ZNF782: variants seen among roughly 807,000 people sequenced by gnomAD.
ZNF782 encodes zinc finger protein 782.
ZNF782 carries 12 observed loss-of-function variants against 13.0 expected under a neutral mutation model. The observed-to-expected ratio is 0.92, with a 90% confidence interval of 0.59 to 1.50. The LOEUF (loss-of-function observed/expected upper bound fraction) is 1.50. Ranked by LOEUF, ZNF782 falls within the 40% of genes most tolerant of loss-of-function variation. The pLI, the probability that ZNF782 is intolerant of heterozygous loss-of-function variation, is 0.00. For missense variants in ZNF782, 770 were observed against 822.9 expected (o/e 0.94, Z 0.79); for synonymous variants, 284 against 283.0 (o/e 1.00, Z -0.04).
At chr9:96,893,916 C>T in the ZNF782 span, 1 of 140,974 alleles carries the variant, frequency 7.1e-6, no homozygotes, top group Non-Finnish European at 1.5e-5. Context: ...GGGAGAATGC[C>T]GTGAACCCGG....
chr9:96,892,678 T>C, the ZNF782 span: 1 of 152,278 alleles, frequency 6.6e-6, no homozygotes, highest in African/African-American at 2.4e-5. Context: ...TTGAACTATA[T>C]TCTTCTGAAT....
At chr9:96,912,000 G>GACC in the ZNF782 span, among the ~76,000 whole-genome samples, 5 of 151,584 alleles carry the variant, frequency 3.3e-5, no homozygotes, top group Admixed American at 3.3e-4. Context: ...GGGAGTTCAA[G>GACC]ACCAGCCTGA....
At chr9:96,879,281 G>A (rs1035030128), upstream of ZNF782, among the ~76,000 whole-genome samples, 9 of 152,326 alleles carry the variant, frequency 5.9e-5, no homozygotes, top group East Asian at 1.9e-4. Context: ...GAGGTCAAGA[G>A]ATCGAGACCA....
At chr9:96,832,035 T>A (rs1850820727) in intron 4 of ZNF782, among the ~76,000 whole-genome samples, 1 of 152,208 alleles carries the variant, frequency 6.6e-6, no homozygotes, top group Admixed American at 6.5e-5. Flanking sequence ...TTTTTTTTGT[T>A]CCCTTGAATT....
At chr9:96,901,758 T>C in the ZNF782 span, among the ~76,000 whole-genome samples, 8 of 150,756 alleles carry the variant, frequency 5.3e-5, no homozygotes, top group East Asian at 2.0e-4. Context: ...CACACACCTG[T>C]AATCCCAGCT....
upstream of ZNF782, among the ~76,000 whole-genome samples, chr9:96,858,355 A>G (rs987430583): frequency 1.3e-5 from 2 of 152,170 alleles, no homozygotes; most frequent in African/African-American, 4.8e-5. This position sits in a 1 kb window ranked among gnomAD's most constrained non-coding sequence, Gnocchi z 4.4. Flanking sequence ...ACCTCACTCA[A>G]GAGCTTCCTA....
At chr9:96,865,357 A>G (rs1851744396) in intron 1 of ZNF782, among the ~76,000 whole-genome samples, 1 of 151,988 alleles carries the variant, frequency 6.6e-6, no homozygotes, top group Admixed American at 6.5e-5. Flanking sequence ...ATGATAGTGA[A>G]TAAGTCTCAT....
upstream of ZNF782, among the ~76,000 whole-genome samples, chr9:96,858,308 T>C (rs1332634226): frequency 6.6e-6 from 1 of 152,224 alleles, no homozygotes; most frequent in Non-Finnish European, 1.5e-5. The surrounding 1 kb of genome is among the most constrained non-coding windows in gnomAD (Gnocchi z 4.4). Flanking sequence ...TCAGGCAGTC[T>C]GAGAAACATT....
chr9:96,827,574 C>T (rs561271720), intron 4 of ZNF782, among the ~76,000 whole-genome samples: 3 of 152,214 alleles, frequency 2.0e-5, no homozygotes, highest in South Asian at 4.1e-4. Flanking sequence ...TCCCAAAGTA[C>T]GGTGGCATAA....
At chr9:96,921,339 C>A in the ZNF782 span, among the ~76,000 whole-genome samples, 1 of 141,240 alleles carries the variant, frequency 7.1e-6, no homozygotes, top group Non-Finnish European at 1.5e-5. Flanking sequence ...TCGAGACCAT[C>A]CTGGCTAACA....
chr9:96,818,118 T>A lies in ZNF782; in HGVS notation c.1905A>T (p.Lys635Asn). ...TCTCCCCGGTGTGAGTTCGCTGATG[T>A]TTTCTTAGGACTGACTTCTCACTGA... ...KAFSEKSVLR[K>N]HQRTHTGEKP... Residue 635 changes from lysine (K) to asparagine (N), a missense_variant, in exon 6 of 6, where the codon AAA becomes AAT. By Grantham distance (94) the Lys-to-Asn change is moderately conservative. Coordinates refer to ENST00000481138, the MANE Select transcript of ZNF782 (RefSeq NM_001001662.3). 1 of 1,613,572 alleles carries A rather than the reference T, an allele frequency of 6.2e-7. No homozygotes were observed. The highest frequency in any genetic ancestry group is 2.2e-5 in the East Asian group (1 of 44,806).
intron 5 of ZNF782, among the ~76,000 whole-genome samples, chr9:96,826,801 A>C (rs765688360): frequency 1.3e-5 from 2 of 152,318 alleles, no homozygotes; most frequent in African/African-American, 4.8e-5. Context: ...TGATTAGCCC[A>C]CAATAAAAAC....
At chr9:96,876,834 C>T (rs548108159), upstream of ZNF782, among the ~76,000 whole-genome samples, 1 of 150,600 alleles carries the variant, frequency 6.6e-6, no homozygotes, top group South Asian at 2.1e-4. Flanking sequence ...GGTGAAACCA[C>T]GTCTCTACTA....
chr9:96,890,880 G>A, the ZNF782 span: 3 of 152,180 alleles, frequency 2.0e-5, no homozygotes, highest in East Asian at 3.8e-4. Context: ...GGGAACAACC[G>A]AAATGTGCAT....
At chr9:96,876,943 C>CAAAAAAAAAAAAAAAAAAAA (rs398011569), upstream of ZNF782, among the ~76,000 whole-genome samples, 67 of 42,828 alleles carry the variant, frequency 1.6e-3, no homozygotes, top group East Asian at 3.4e-3. Context: ...AACTCCGACT[C>CAAAAAAAAAAAAAAAAAAAA]AAAAAAAAAA....
the ZNF782 span, among the ~76,000 whole-genome samples, chr9:96,925,015 C>T: frequency 6.6e-6 from 1 of 152,174 alleles, no homozygotes; most frequent in Non-Finnish European, 1.5e-5. Context: ...CGATTACCTT[C>T]TAATCACAAA....
the ZNF782 span, among the ~76,000 whole-genome samples, chr9:96,906,809 C>G: frequency 6.6e-6 from 1 of 152,286 alleles, no homozygotes; most frequent in Non-Finnish European, 1.5e-5. Flanking sequence ...CCCCTTTTTC[C>G]TCTCTAAAGG....
upstream of ZNF782, among the ~76,000 whole-genome samples, chr9:96,876,726 C>A (rs1412787833): frequency 6.6e-6 from 1 of 151,936 alleles, no homozygotes; most frequent in Non-Finnish European, 1.5e-5. Context: ...ATGGCTATGG[C>A]CGGGCGCTGT....
At chr9:96,845,673 G>A (rs928197113) in intron 3 of ZNF782, among the ~76,000 whole-genome samples, 3 of 152,076 alleles carry the variant, frequency 2.0e-5, no homozygotes, top group East Asian at 1.9e-4. Context: ...AAAAAGAAAC[G>A]AACAAAGTCT....
Sources: gnomAD v4.1 joint callset for allele counts (sites outside exome capture counted in the v4.1 genomes callset) on GRCh38, gnomAD v4.1.1 for gene constraint, Gnocchi (gnomAD v3.1) non-coding constraint, MANE v1.5 for transcripts, NCBI Gene and HGNC (gene_info 2026-07-23, HGNC 2026-07-21) for gene names.